The following CTNNA2 variants were observed in gnomAD, a reference collection of about 807,000 sequenced individuals.
CTNNA2 encodes the protein catenin alpha-2.
CTNNA2 carries 42 observed loss-of-function variants against 101.0 expected under a neutral mutation model. That is an observed-to-expected ratio of 0.42 (90% confidence interval 0.32 to 0.54). The LOEUF is 0.54. Among genes scored for constraint, CTNNA2 ranks in the 20% least tolerant of loss-of-function variants. CTNNA2 has a pLI of 0.14. For missense variants in CTNNA2, 871 were observed against 1,223.1 expected, an observed-to-expected ratio of 0.71 and a Z score of 4.29; for synonymous variants, 450 against 456.4, an observed-to-expected ratio of 0.99 and a Z score of 0.18.
At chr2:80,134,579 C>A (rs1702590541) in intron 7 of CTNNA2, among the ~76,000 whole-genome samples, 2 of 152,170 alleles carry the variant, frequency 1.3e-5, no homozygotes, top group South Asian at 4.1e-4. Flanking sequence ...ATGCACAGGG[C>A]AAATGGAATT....
chr2:79,338,378 ATGAG>A (rs1357082867), intron 3 of CTNNA2, among the ~76,000 whole-genome samples: 3 of 152,080 alleles, frequency 2.0e-5, no homozygotes, highest in African/African-American at 7.2e-5. Flanking sequence ...GTCCAGTGTA[ATGAG>A]GGAGGATGTA....
intron 7 of CTNNA2, among the ~76,000 whole-genome samples, chr2:79,938,461 G>A (rs751766293): frequency 3.9e-5 from 6 of 152,174 alleles, no homozygotes; most frequent in Non-Finnish European, 7.3e-5. Flanking sequence ...TTTCCTGTAT[G>A]TGTGTGTGTG....
chr2:79,651,746 A>G (rs754382528), intron 2 of CTNNA2, 88 bp downstream of exon 2: 23 of 1,089,004 alleles, frequency 2.1e-5, no homozygotes, highest in Non-Finnish European at 2.8e-5. Flanking sequence ...ACATCCTTAA[A>G]AGAGAATAAA....
intron 4 of CTNNA2, among the ~76,000 whole-genome samples, chr2:79,393,051 T>G (rs1283966800): frequency 1.3e-5 from 2 of 152,110 alleles, no homozygotes; most frequent in East Asian, 3.9e-4. Flanking sequence ...GCAGGGAGAT[T>G]TGGATAAGGA....
chr2:79,232,366 A>T lies in CTNNA2; in HGVS notation c.-406+34290A>T, dbSNP rs566411754. 1.3e-4 allele frequency among the ~76,000 whole-genome samples: 20 copies of T among 151,884 alleles called. No individual in the cohort carries two copies. The East Asian group carries it at 3.7e-3, about 28-fold the overall frequency. On this transcript the variant is annotated intron_variant, in intron 2 of 21. Coordinates refer to the CTNNA2 transcript ENST00000466387. Reference sequence around the variant, plus strand: ...TTTATGTGGTGAATCACATTTATTGATTTGCATGTGTTGAACCAACCTTGT... The same window carrying T: ...TTTATGTGGTGAATCACATTTATTGTTTTGCATGTGTTGAACCAACCTTGT...
intron 1 of CTNNA2, among the ~76,000 whole-genome samples, chr2:79,551,596 G>A (rs900932490): frequency 6.6e-6 from 1 of 152,154 alleles, no homozygotes; most frequent in Non-Finnish European, 1.5e-5. Flanking sequence ...GTTTCAGGGT[G>A]TATTAAGCCA....
At chr2:80,261,759 G>A (rs904193157) in intron 7 of CTNNA2, among the ~76,000 whole-genome samples, 1 of 152,142 alleles carries the variant, frequency 6.6e-6, no homozygotes, top group Admixed American at 6.5e-5. Context: ...TAAAACCAAA[G>A]GCAATAGAGG....
chr2:79,601,943 G>C (rs776299375), intron 1 of CTNNA2, among the ~76,000 whole-genome samples: 2 of 152,178 alleles, frequency 1.3e-5, no homozygotes, highest in Admixed American at 6.5e-5. Flanking sequence ...CAGAACACTC[G>C]TGTTAGCCTA....
intron 2 of CTNNA2, among the ~76,000 whole-genome samples, chr2:79,732,868 T>C (rs1232401950): frequency 6.6e-6 from 1 of 152,018 alleles, no homozygotes; most frequent in Non-Finnish European, 1.5e-5. Context: ...ACACCTGGCT[T>C]CCATGTTTGC....
At chr2:80,344,624 A>G (rs1672556548) in intron 7 of CTNNA2, among the ~76,000 whole-genome samples, 1 of 152,152 alleles carries the variant, frequency 6.6e-6, no homozygotes, top group Non-Finnish European at 1.5e-5. Context: ...AGCTGAGACC[A>G]TGGCCCTGCG....
At chr2:79,338,121 G>A (rs111871518) in intron 3 of CTNNA2, among the ~76,000 whole-genome samples, 4,880 of 151,550 alleles carry the variant, frequency 0.032, 295 homozygotes, top group African/African-American at 0.11. Flanking sequence ...GGTGGCACAC[G>A]CCTATAATCC....
intron 1 of CTNNA2, among the ~76,000 whole-genome samples, chr2:79,525,329 C>G (rs1672343741): frequency 6.6e-6 from 1 of 151,910 alleles, no homozygotes; most frequent in African/African-American, 2.4e-5. Flanking sequence ...TTTTTCAAAT[C>G]ACGAAAATGG....
chr2:79,844,207 C>G (rs1680034491), intron 3 of CTNNA2, among the ~76,000 whole-genome samples: 1 of 152,060 alleles, frequency 6.6e-6, no homozygotes, highest in Non-Finnish European at 1.5e-5. Context: ...GCAGGAAGAC[C>G]CTGAGACTGC....
At position 79,930,256 on chromosome 2, in the gene CTNNA2, AAGAAAGAAAGAAAGAAAGAAAGAGAGAG is replaced by A. The variant is rs1441813439; in HGVS notation, c.1056+20463_1056+20490del. On this transcript the variant is annotated intron_variant, in intron 7 of 18. Coordinates refer to ENST00000402739, the MANE Select transcript of CTNNA2 (RefSeq NM_001282597.3). Reference sequence around the variant, plus strand: ...AGACTCTGTCTCAAAGAAAGAAAGAAAGAAAGAAAGAAAGAAAGAAAGAGAGAGAGAGAGAAAGAGAAAGAAAGAAAGA... The same window carrying A: ...AGACTCTGTCTCAAAGAAAGAAAGAAAGAGAGAAAGAGAAAGAAAGAAAGA... Among the ~76,000 whole-genome samples, 111 of 20,206 alleles carry A rather than the reference AAGAAAGAAAGAAAGAAAGAAAGAGAGAG, an allele frequency of 5.5e-3. 3 individuals are homozygous for A. The highest frequency in any genetic ancestry group is 1.2e-3 in the Non-Finnish European group (9 of 7,382). The allele number at this position is 20,206 out of a possible 152,430, so 13.3% of individuals were successfully genotyped here. A position where few individuals can be genotyped will look rare whatever the true frequency, so the allele number is the denominator to read the frequency against.
chr2:80,254,543 G>A (rs1396906442), intron 7 of CTNNA2, among the ~76,000 whole-genome samples: 1 of 152,178 alleles, frequency 6.6e-6, no homozygotes, highest in Admixed American at 6.6e-5. Context: ...GCTAAGCTGA[G>A]CTAAGGGTCG....
At chr2:80,006,670 G>C (rs1464138206) in intron 7 of CTNNA2, among the ~76,000 whole-genome samples, 1 of 152,156 alleles carries the variant, frequency 6.6e-6, no homozygotes, top group Non-Finnish European at 1.5e-5. Flanking sequence ...ACATCTAACA[G>C]GAGAGTTTCC....
chr2:79,881,312 G>A (rs1015062414), intron 6 of CTNNA2, among the ~76,000 whole-genome samples: 5 of 152,198 alleles, frequency 3.3e-5, no homozygotes, highest in Non-Finnish European at 7.3e-5. Flanking sequence ...GAGTTCTGTA[G>A]ATGTCTATTA....
chr2:80,601,392 G>T (rs1031277202), intron 15 of CTNNA2, among the ~76,000 whole-genome samples: 2 of 129,256 alleles, frequency 1.5e-5, no homozygotes, highest in African/African-American at 3.0e-5. Flanking sequence ...AAACCACCTG[G>T]ATTTAATGAC....
chr2:80,532,434 A>G (rs1041670026), intron 9 of CTNNA2, among the ~76,000 whole-genome samples: 1 of 152,146 alleles, frequency 6.6e-6, no homozygotes, highest in African/African-American at 2.4e-5. Context: ...CTTCTTGGTT[A>G]TTAGATCTGC....
Sources: gnomAD v4.1 joint callset for allele counts (sites outside exome capture counted in the v4.1 genomes callset) on GRCh38, gnomAD v4.1.1 for gene constraint, MANE v1.5 for transcripts, NCBI Gene and HGNC (gene_info 2026-07-23, HGNC 2026-07-21) for gene names.